Variants in EZH2 observed in about 807,000 individuals in gnomAD.
EZH2 encodes the protein enhancer of zeste 2 polycomb repressive complex 2 subunit.
Under a neutral mutation model 98.4 loss-of-function variants are expected in EZH2, and 18 were observed. The ratio of observed to expected loss-of-function variants is 0.18; its 90% CI spans 0.13 to 0.27. The LOEUF is 0.27. Among genes scored for constraint, EZH2 ranks in the 10% least tolerant of loss-of-function variants. The pLI is 1.00. For synonymous variants in EZH2, 338 were observed against 312.3 expected (o/e 1.08, Z -0.87); for missense variants, 470 against 935.1 (o/e 0.50, Z 6.49).
At position 148,814,010 on chromosome 7, in the gene EZH2, G is replaced by A. The variant is rs770701942; in HGVS notation, c.1800C>T (p.Asp600=). 1.2e-6 allele frequency: 2 copies of A among 1,614,144 alleles called. No homozygotes were observed. Among genetic ancestry groups the A allele is most frequent in the Non-Finnish European group, 1.7e-6 (2 of 1,180,024 alleles). Residue 600 remains aspartate, a synonymous_variant, in exon 15 of 20, where the codon GAC becomes GAT. Coordinates refer to ENST00000320356, the MANE Select transcript of EZH2 (RefSeq NM_004456.5). ...AGTTCTTGCAGGACACATTTTTACT[G>A]TCCCAATGGTCAGCGGCTCCACAAG... is the stretch of plus-strand genomic sequence containing the variant. ...CLTCGAADHW[D]SKNVSCKNCS...
Position 148,878,945 on chromosome 7 carries a change from G to A in EZH2, c.-8+5219C>T, listed in dbSNP as rs142987769. On this transcript the variant is annotated intron_variant, in intron 1 of 19. Transcript: ENST00000320356. ...AATGTTTAAAAAGTATCCAGGCCAG[G>A]CGTGCGCAGTAGCTCACGCCTGTAA... Among the ~76,000 whole-genome samples the A allele has an allele frequency of 2.2e-3, 331 of 151,178 alleles. 2 individuals carry two copies. The highest frequency in any genetic ancestry group is 7.6e-3 in the African/African-American group (315 of 41,194).
At chr7:148,833,275 G>A (rs186129634) in intron 3 of EZH2, among the ~76,000 whole-genome samples, 3 of 151,876 alleles carry the variant, frequency 2.0e-5, no homozygotes, top group East Asian at 1.9e-4. Flanking sequence ...TGGCTAACAC[G>A]GTGAAACCCC....
At chr7:148,867,420 A>G (rs1344803568) in intron 1 of EZH2, among the ~76,000 whole-genome samples, 1 of 152,226 alleles carries the variant, frequency 6.6e-6, no homozygotes, top group Non-Finnish European at 1.5e-5. Flanking sequence ...TGTTTTACCG[A>G]AAGTTACCAT....
At chr7:148,840,204 A>C (rs893857803) in intron 3 of EZH2, among the ~76,000 whole-genome samples, 9 of 152,218 alleles carry the variant, frequency 5.9e-5, no homozygotes, top group African/African-American at 2.2e-4. Context: ...ACTTCTACAG[A>C]ATTACTCAAA....
intron 7 of EZH2, among the ~76,000 whole-genome samples, chr7:148,826,949 TG>T (rs1807887932): frequency 6.6e-6 from 1 of 152,266 alleles, no homozygotes. Flanking sequence ...TGTGTTTATG[TG>T]TATATATAAA....
intron 8 of EZH2, among the ~76,000 whole-genome samples, chr7:148,823,976 C>G (rs932699664): frequency 1.3e-5 from 2 of 152,088 alleles, no homozygotes; most frequent in Admixed American, 1.3e-4. Context: ...ACTACCGTAT[C>G]CCCAAGATAA....
chr7:148,824,326 AAAACAAC>A (rs1455643320), intron 8 of EZH2, among the ~76,000 whole-genome samples: 2 of 151,796 alleles, frequency 1.3e-5, no homozygotes, highest in African/African-American at 2.4e-5. Context: ...AAAAAAAAAA[AAAACAAC>A]AACAACAACA....
At chr7:148,874,205 A>C (rs534503594) in intron 1 of EZH2, among the ~76,000 whole-genome samples, 1 of 152,280 alleles carries the variant, frequency 6.6e-6, no homozygotes, top group African/African-American at 2.4e-5. Context: ...TGGGCAACAT[A>C]GTGAAACTCT....
At chr7:148,821,579 C>G (rs1806100509) in intron 8 of EZH2, among the ~76,000 whole-genome samples, 1 of 152,186 alleles carries the variant, frequency 6.6e-6, no homozygotes, top group Non-Finnish European at 1.5e-5. Flanking sequence ...AATTCCAGCA[C>G]TTTGGGAGCC....
chr7:148,843,634 C>T (rs1320685598), intron 3 of EZH2, among the ~76,000 whole-genome samples: 7 of 130,732 alleles, frequency 5.4e-5, no homozygotes, highest in South Asian at 2.6e-4. Flanking sequence ...CTCGCTCTGT[C>T]GCCCAGGCTG....
chr7:148,879,565 C>A (rs1820666040), intron 1 of EZH2, among the ~76,000 whole-genome samples: 1 of 151,902 alleles, frequency 6.6e-6, no homozygotes, highest in Non-Finnish European at 1.5e-5. Flanking sequence ...GTGGTGCATG[C>A]CTGTAATCCC....
At chr7:148,829,926 T>A in intron 4 of EZH2, 78 bp from the exon 5 acceptor site, 1 of 1,107,502 alleles carries the variant, frequency 9.0e-7, no homozygotes, top group African/African-American at 1.6e-5. Context: ...CAACCTTTTT[T>A]TCATGTGTAC....
At chr7:148,860,307 TGG>T (rs1405008207) in intron 1 of EZH2, among the ~76,000 whole-genome samples, 1 of 150,726 alleles carries the variant, frequency 6.6e-6, no homozygotes, top group Non-Finnish European at 1.5e-5. Flanking sequence ...GGGCCCTGAC[TGG>T]GTTGACAGCA....
At chr7:148,817,601 C>T (rs192545933) in intron 10 of EZH2, 5 of 661,490 alleles carry the variant, frequency 7.6e-6, no homozygotes, top group Non-Finnish European at 1.3e-5. Context: ...TTTCATTATT[C>T]CCTACCTGAG....
At chr7:148,819,778 A>T in intron 8 of EZH2, 91 bp from the exon 9 acceptor site, 2 of 1,120,980 alleles carry the variant, frequency 1.8e-6, no homozygotes, top group Non-Finnish European at 2.6e-6. Context: ...CAATTAATGG[A>T]TTATAATCTT....
chr7:148,845,901 A>T (rs2129484719), intron 3 of EZH2, among the ~76,000 whole-genome samples: 1 of 152,312 alleles, frequency 6.6e-6, no homozygotes, highest in African/African-American at 2.4e-5. Flanking sequence ...GGGATATTTA[A>T]TTATAGATTC....
In EZH2 at chr7:148,807,625, G is replaced by T. The variant is rs201597962; in HGVS notation, c.*21C>A. On this transcript the variant is annotated 3_prime_UTR_variant, in exon 20 of 20. Coordinates refer to ENST00000320356, the MANE Select transcript of EZH2 (RefSeq NM_004456.5). ...AAGCTAAGGCAGCTGTTTCAGAGGA[G>T]GGGGGAGGAGGTAGCAGATGTCAAG... is the stretch of plus-strand genomic sequence containing the variant. 1.3e-5 allele frequency: 2 copies of T among 153,994 alleles called. No homozygotes were observed. Among genetic ancestry groups the T allele is most frequent in the African/African-American group, 6.1e-3 (2 of 328 alleles). 9.5% of individuals were successfully genotyped at this position (153,994 alleles called of 1,614,324 possible).
At chr7:148,860,324 G>A (rs1005077382) in intron 1 of EZH2, among the ~76,000 whole-genome samples, 5 of 125,374 alleles carry the variant, frequency 4.0e-5, no homozygotes, top group African/African-American at 1.7e-4. Flanking sequence ...ACAGCAGTGG[G>A]CATAGAAGAA....
Position 148,814,128 on chromosome 7 carries a change from C to T in EZH2, c.1682G>A (p.Arg561His), listed in dbSNP as rs1164610428. 1 of 1,612,740 alleles carries T rather than the reference C, an allele frequency of 6.2e-7. No individual in the cohort carries two copies. Among genetic ancestry groups the T allele is most frequent in the Non-Finnish European group, 8.5e-7 (1 of 1,179,608 alleles). ...FCQCSSECQNRFPGCRCKAQC... is the reference protein window; with the variant it reads ...FCQCSSECQNHFPGCRCKAQC... ...TGCTTTGCAGCGGCATCCCGGAAAG[C>T]GGTTTTGACCTTCAGAGAGAGGTTT... Residue 561 changes from arginine to histidine, a missense_variant, in exon 15 of 20, where the codon CGC becomes CAC. By Grantham distance (29) the Arg-to-His change is conservative. This residue lies in a region of EZH2 where 106 missense variants were observed against 327.2 expected (regional missense o/e 0.32). Coordinates refer to ENST00000320356, the MANE Select transcript of EZH2 (RefSeq NM_004456.5).
Sources: allele counts gnomAD v4.1 joint callset (sites outside exome capture counted in the v4.1 genomes callset), GRCh38; gene constraint gnomAD v4.1.1; regional missense constraint gnomAD v4.1.1; transcripts MANE v1.5; gene names NCBI Gene and HGNC (gene_info 2026-07-23, HGNC 2026-07-21).